The following CADM1 variants were observed in gnomAD, a reference collection of about 807,000 sequenced individuals.
The protein encoded by CADM1 is TSLC-1.
CADM1 carries 15 observed loss-of-function variants against 53.1 expected under a neutral mutation model. The ratio of observed to expected loss-of-function variants is 0.28; its 90% CI spans 0.19 to 0.44. The LOEUF (loss-of-function observed/expected upper bound fraction) is 0.44, where lower values mean the gene tolerates loss of function less well. CADM1 is among the 20% of genes least tolerant of loss of function. The pLI is 1.00. For missense variants in CADM1, 434 were observed against 611.3 expected (o/e 0.71, Z 3.06); for synonymous variants, 281 against 243.0 (o/e 1.16, Z -1.45).
In CADM1 at chr11:115,400,681, A is replaced by G. The variant is rs1451244302; in HGVS notation, c.124+103590T>C. The stretch of plus-strand genomic sequence containing the variant: ...TGTGTGTATATATATATATATATAT[A>G]TATATATATATATATATATATATAT... On this transcript the variant is annotated intron_variant, in intron 1 of 11. Coordinates refer to ENST00000331581, the MANE Select transcript of CADM1 (RefSeq NM_001301043.2). Among the ~76,000 whole-genome samples, 53 of 50,262 alleles carry G rather than the reference A, an allele frequency of 1.1e-3. 1 individual carries two copies. The highest frequency in any genetic ancestry group is 0.016 in the Middle Eastern group (2 of 128). 33.0% of individuals were successfully genotyped at this position (50,262 alleles called of 152,430 possible).
At chr11:115,389,784 A>T (rs1418686867) in intron 1 of CADM1, among the ~76,000 whole-genome samples, 1 of 151,944 alleles carries the variant, frequency 6.6e-6, no homozygotes, top group Non-Finnish European at 1.5e-5. Context: ...TCTTCTACTA[A>T]TAATTAATTA....
intron 1 of CADM1, among the ~76,000 whole-genome samples, chr11:115,270,232 A>G (rs1471636555): frequency 6.6e-6 from 1 of 152,226 alleles, no homozygotes; most frequent in Non-Finnish European, 1.5e-5. Flanking sequence ...ATAGTAGCCT[A>G]AAGGGCAACA....
At chr11:115,377,274 T>A (rs1946462893) in intron 1 of CADM1, 2 of 152,154 alleles carry the variant, frequency 1.3e-5, no homozygotes, top group African/African-American at 4.8e-5. Context: ...TACTTGAAAT[T>A]ATTTTCAAGT....
intron 1 of CADM1, among the ~76,000 whole-genome samples, chr11:115,328,258 C>T (rs1480044638): frequency 6.6e-6 from 1 of 152,046 alleles, no homozygotes; most frequent in Non-Finnish European, 1.5e-5. Flanking sequence ...TGATTTCTGC[C>T]TTCCCCAGCA....
intron 5 of CADM1, among the ~76,000 whole-genome samples, chr11:115,225,313 A>G (rs796848655): frequency 6.7e-6 from 1 of 149,034 alleles, no homozygotes; most frequent in Non-Finnish European, 1.5e-5. Context: ...ATAATAAAAA[A>G]GGGGGGGGGA....
At chr11:115,251,187 T>G (rs1268093051) in intron 1 of CADM1, among the ~76,000 whole-genome samples, 1 of 152,200 alleles carries the variant, frequency 6.6e-6, no homozygotes, top group Non-Finnish European at 1.5e-5. Context: ...GCAGCTCAAC[T>G]CCAACTTAAC....
intron 1 of CADM1, among the ~76,000 whole-genome samples, chr11:115,487,007 G>C (rs190586787): frequency 2.6e-5 from 4 of 152,168 alleles, no homozygotes; most frequent in Admixed American, 6.5e-5. Flanking sequence ...AGAATACGAA[G>C]AGAGGAAAGG....
intron 1 of CADM1, among the ~76,000 whole-genome samples, chr11:115,398,602 C>T (rs1265705483): frequency 1.3e-5 from 2 of 152,216 alleles, no homozygotes; most frequent in Non-Finnish European, 2.9e-5. Context: ...TAAAGAATCA[C>T]ATGAGATCAA....
chr11:115,218,644 T>A (rs1941285209), intron 5 of CADM1, among the ~76,000 whole-genome samples: 1 of 152,160 alleles, frequency 6.6e-6, no homozygotes, highest in African/African-American at 2.4e-5. Context: ...TACCCACAGA[T>A]TGAAGTAGCT....
At chr11:115,329,882 C>G (rs1358264759) in intron 1 of CADM1, among the ~76,000 whole-genome samples, 1 of 151,502 alleles carries the variant, frequency 6.6e-6, no homozygotes, top group East Asian at 2.0e-4. Context: ...ACCATCTCCT[C>G]TCCAGCTATC....
At chr11:115,391,658 T>TA (rs1946839658) in intron 1 of CADM1, among the ~76,000 whole-genome samples, 1 of 152,174 alleles carries the variant, frequency 6.6e-6, no homozygotes, top group Non-Finnish European at 1.5e-5. Context: ...CACTAGCACT[T>TA]ACTGCAAGAC....
rs1459874381 is a variant in CADM1 at position 115,171,530 on chromosome 11, C to A, written c.*4944G>T. The stretch of plus-strand genomic sequence containing the variant: ...GAAAACTCTCTGGGGGAAACGAGGG[C>A]CATTTTCACTCTCGTACGCACTCTT... On this transcript the variant is annotated 3_prime_UTR_variant, in exon 12 of 12. Transcript: ENST00000331581. 1 of 152,180 alleles carries A rather than the reference C, an allele frequency of 6.6e-6. No homozygotes were observed. The highest frequency in any genetic ancestry group is 1.5e-5 in the Non-Finnish European group (1 of 68,028). The allele number at this position is 152,180 out of a possible 1,614,324, so 9.4% of individuals were successfully genotyped here.
At chr11:115,197,210 T>G (rs934006771) in intron 9 of CADM1, among the ~76,000 whole-genome samples, 4 of 152,212 alleles carry the variant, frequency 2.6e-5, no homozygotes, top group Non-Finnish European at 4.4e-5. Context: ...GGACAGCTCC[T>G]ACAGAGCTCA....
chr11:115,267,945 C>T (rs1157967781), intron 1 of CADM1, among the ~76,000 whole-genome samples: 1 of 152,116 alleles, frequency 6.6e-6, no homozygotes, highest in Non-Finnish European at 1.5e-5. Context: ...TAGGGTTCGT[C>T]TTGTTAGCAA....
intron 9 of CADM1, among the ~76,000 whole-genome samples, chr11:115,192,684 T>C (rs1939939701): frequency 6.6e-6 from 1 of 152,196 alleles, no homozygotes; most frequent in Admixed American, 6.5e-5. Flanking sequence ...ACAAGGATGT[T>C]TCAAGTAGGT....
intron 1 of CADM1, among the ~76,000 whole-genome samples, chr11:115,430,878 A>G (rs1054251821): frequency 1.3e-5 from 2 of 152,244 alleles, no homozygotes; most frequent in African/African-American, 2.4e-5. Context: ...TCGATATGAG[A>G]AAAATCACTT....
intron 1 of CADM1, among the ~76,000 whole-genome samples, chr11:115,342,793 G>A (rs1286664659): frequency 2.6e-5 from 4 of 151,882 alleles, no homozygotes; most frequent in Non-Finnish European, 5.9e-5. Context: ...AGATTACAAA[G>A]TCAATATAGA....
At chr11:115,208,695 A>G (rs1377022523) in intron 8 of CADM1, among the ~76,000 whole-genome samples, 1 of 152,192 alleles carries the variant, frequency 6.6e-6, no homozygotes, top group Non-Finnish European at 1.5e-5. Flanking sequence ...CTGTAAACAC[A>G]GGTTGGGAAG....
At chr11:115,251,163 C>A (rs1435045993) in intron 1 of CADM1, among the ~76,000 whole-genome samples, 1 of 152,174 alleles carries the variant, frequency 6.6e-6, no homozygotes, top group African/African-American at 2.4e-5. Context: ...TGCCAAAGGA[C>A]CCAAACTCGA....
Sources: gnomAD v4.1 joint callset for allele counts (sites outside exome capture counted in the v4.1 genomes callset) on GRCh38, gnomAD v4.1.1 for gene constraint, MANE v1.5 for transcripts, NCBI Gene and HGNC (gene_info 2026-07-23, HGNC 2026-07-21) for gene names.